FAM13C: variants seen among roughly 807,000 people sequenced by gnomAD.
FAM13C encodes family with sequence similarity 13 member C, also known as protein FAM13C.
A neutral mutation model predicts 73.2 loss-of-function variants in FAM13C; 37 were observed. The ratio of observed to expected loss-of-function variants is 0.51; its 90% CI spans 0.39 to 0.67. The LOEUF is 0.67. Ranked by LOEUF, FAM13C falls within the 30% of genes least tolerant of loss-of-function variation. FAM13C has a pLI of 0.00. For synonymous variants in FAM13C, 246 were observed against 260.9 expected, an observed-to-expected ratio of 0.94 and a Z score of 0.55; for missense variants, 589 against 715.6, an observed-to-expected ratio of 0.82 and a Z score of 2.02.
chr10:59,338,372 CA>C (rs1853027547), intron 3 of FAM13C, among the ~76,000 whole-genome samples: 1 of 152,070 alleles, frequency 6.6e-6, no homozygotes, highest in Admixed American at 6.5e-5. Context: ...CATGGCCTCT[CA>C]AGCAGAGTCA....
At chr10:59,299,811 C>T (rs1398518441) in intron 5 of FAM13C, among the ~76,000 whole-genome samples, 3 of 151,882 alleles carry the variant, frequency 2.0e-5, no homozygotes, top group African/African-American at 7.3e-5. Context: ...GATGTCTTAC[C>T]GAGACAGAGT....
At chr10:59,293,987 T>C (rs956045520) in intron 5 of FAM13C, among the ~76,000 whole-genome samples, 1 of 152,220 alleles carries the variant, frequency 6.6e-6, no homozygotes, top group Non-Finnish European at 1.5e-5. Context: ...AATATATTTA[T>C]GAAAGCTGTC....
In FAM13C at chr10:59,246,311, C is replaced by A. The variant is rs1212344113; in HGVS notation, c.*1303G>T. 5.4e-6 allele frequency: 1 copy of A among 184,764 alleles called. No homozygotes were observed. The highest frequency in any genetic ancestry group is 1.1e-5 in the Non-Finnish European group (1 of 89,780). 11.4% of individuals were successfully genotyped at this position (184,764 alleles called of 1,614,324 possible). A position where few individuals can be genotyped will look rare whatever the true frequency, so the allele number is the denominator to read the frequency against. ...CTGTCCTGTTAGAAGTAGATGACTT[C>A]AATTAAACAAATTTATGAAGGACAT... On this transcript the variant is annotated 3_prime_UTR_variant, in exon 14 of 14. Coordinates refer to ENST00000618804, the MANE Select transcript of FAM13C (RefSeq NM_198215.4).
At chr10:59,343,644 T>C (rs564832914) in intron 3 of FAM13C, among the ~76,000 whole-genome samples, 3 of 152,332 alleles carry the variant, frequency 2.0e-5, no homozygotes, top group Admixed American at 6.5e-5. Flanking sequence ...GAGCTTGTAA[T>C]AGTTGGTGCA....
chr10:59,338,341 G>A (rs1485504407), intron 3 of FAM13C, among the ~76,000 whole-genome samples: 1 of 151,984 alleles, frequency 6.6e-6, no homozygotes, highest in African/African-American at 2.4e-5. Flanking sequence ...ATCTCTTTTT[G>A]CATCCACAAC....
intron 10 of FAM13C, 137 bp downstream of exon 10, chr10:59,262,297 A>T: frequency 2.8e-6 from 2 of 719,664 alleles, no homozygotes; most frequent in Non-Finnish European, 2.3e-6. Context: ...GTAACCTGTC[A>T]GGAACTCATC....
At chr10:59,304,828 AG>A (rs1167550653) in intron 4 of FAM13C, among the ~76,000 whole-genome samples, 1 of 2,604 alleles carries the variant, frequency 3.8e-4, no homozygotes, top group African/African-American at 8.9e-4. Context: ...GGGGAAGGGG[AG>A]GGGGCGGGGG....
At position 59,302,712 on chromosome 10, in the gene FAM13C, G is replaced by A. The variant is rs1359957397; in HGVS notation, c.507+89C>T. 4.9e-6 allele frequency: 6 copies of A among 1,226,432 alleles called. No homozygotes were observed. In the East Asian group the frequency reaches 1.2e-4, roughly 24 times the overall value. 76.0% of individuals were successfully genotyped at this position (1,226,432 alleles called of 1,614,324 possible). Reference sequence around the variant, plus strand: ...AAAAGCAAAAATACTAAGTTTTCATGAGAATGAATTCCTAGTACTGTGAAA... The same window carrying A: ...AAAAGCAAAAATACTAAGTTTTCATAAGAATGAATTCCTAGTACTGTGAAA... On this transcript the variant is annotated intron_variant, in intron 5 of 13. Coordinates refer to ENST00000618804, the MANE Select transcript of FAM13C (RefSeq NM_198215.4).
intron 9 of FAM13C, among the ~76,000 whole-genome samples, chr10:59,262,912 G>A (rs1842658706): frequency 6.6e-6 from 1 of 152,176 alleles, no homozygotes; most frequent in African/African-American, 2.4e-5. Context: ...TTCAGAGGAG[G>A]AAGAGTTTGC....
chr10:59,362,682 G>GGGCGGGGCGCGGC, upstream of FAM13C: 3 of 1,072,328 alleles, frequency 2.8e-6, no homozygotes, highest in South Asian at 5.5e-5. Context: ...GGACAGAGCT[G>GGGCGGGGCGCGGC]GGCGGGGCGC....
intron 5 of FAM13C, among the ~76,000 whole-genome samples, chr10:59,295,147 G>A (rs145612268): frequency 5.9e-5 from 9 of 152,354 alleles, no homozygotes; most frequent in Admixed American, 2.0e-4. Context: ...TTATTTCACT[G>A]TGTGGTAGGC....
chr10:59,301,990 G>A (rs1847653843), intron 5 of FAM13C, among the ~76,000 whole-genome samples: 1 of 149,802 alleles, frequency 6.7e-6, no homozygotes, highest in African/African-American at 2.5e-5. Flanking sequence ...AGAGGAGGAA[G>A]GGATGCATCT....
At chr10:59,307,906 T>G (rs1848446676) in intron 4 of FAM13C, among the ~76,000 whole-genome samples, 1 of 151,992 alleles carries the variant, frequency 6.6e-6, no homozygotes, top group Admixed American at 6.5e-5. Flanking sequence ...TAAATGAAGC[T>G]TTTCACTGGA....
chr10:59,321,442 T>C (rs1048239003), intron 4 of FAM13C, among the ~76,000 whole-genome samples: 7 of 147,146 alleles, frequency 4.8e-5, no homozygotes, highest in African/African-American at 1.3e-4. Context: ...CTTTTTTTTT[T>C]TTTTTTTTTT....
chr10:59,318,076 G>A (rs58507078), intron 4 of FAM13C, among the ~76,000 whole-genome samples: 1,552 of 151,914 alleles, frequency 0.01, 33 homozygotes, highest in African/African-American at 0.035. Context: ...GTTATATCTC[G>A]GAGGTAAGAT....
At chr10:59,275,957 T>C (rs1033041947) in intron 6 of FAM13C, among the ~76,000 whole-genome samples, 2 of 152,200 alleles carry the variant, frequency 1.3e-5, no homozygotes, top group African/African-American at 4.8e-5. Context: ...CATTTTGAAA[T>C]CTTTCCTTAG....
chr10:59,252,753 C>A, intron 12 of FAM13C, 46 bp downstream of exon 12: 4 of 1,586,642 alleles, frequency 2.5e-6, no homozygotes, highest in Non-Finnish European at 3.5e-6. Flanking sequence ...TGGTATCAGA[C>A]CAGAAGGAGT....
intron 5 of FAM13C, among the ~76,000 whole-genome samples, chr10:59,293,948 C>T (rs1251096027): frequency 6.6e-6 from 1 of 152,188 alleles, no homozygotes; most frequent in Non-Finnish European, 1.5e-5. Context: ...GTAATATTTT[C>T]TAAAAGTTAG....
chr10:59,355,048 T>C (rs1424739823), intron 2 of FAM13C, among the ~76,000 whole-genome samples: 1 of 152,056 alleles, frequency 6.6e-6, no homozygotes, highest in Admixed American at 6.6e-5. Flanking sequence ...TCCATATGCC[T>C]TGTATAATGT....
Sources: gnomAD v4.1 joint callset for allele counts (sites outside exome capture counted in the v4.1 genomes callset) on GRCh38, gnomAD v4.1.1 for gene constraint, MANE v1.5 for transcripts, NCBI Gene and HGNC (gene_info 2026-07-23, HGNC 2026-07-21) for gene names.